MMS22L: variants seen among roughly 807,000 people sequenced by gnomAD.
MMS22L encodes the protein MMS22 like, DNA repair protein.
MMS22L carries 74 observed loss-of-function variants against 159.1 expected under a neutral mutation model. That is an observed-to-expected ratio of 0.47 (90% confidence interval 0.39 to 0.56). The LOEUF (loss-of-function observed/expected upper bound fraction) is 0.56. Among genes scored for constraint, MMS22L ranks in the 20% least tolerant of loss-of-function variants. The pLI, the probability that MMS22L is intolerant of heterozygous loss-of-function variation, is 0.00. For missense variants in MMS22L, 1,351 were observed against 1,422.1 expected (o/e 0.95, Z 0.80); for synonymous variants, 517 against 506.9 (o/e 1.02, Z -0.27).
chr6:97,142,563 A>T lies in MMS22L; in HGVS notation c.*4243T>A, dbSNP rs1445809221. ...TTTTTGGAAAATAAAAGATTTATAT[A>T]AAAAGTCTGGATAAAAAAGCAGTGG... On this transcript the variant is annotated 3_prime_UTR_variant, in exon 25 of 25. Transcript: ENST00000683635. 2 of 152,184 alleles carry T rather than the reference A, an allele frequency of 1.3e-5. No individual in the cohort carries two copies. The highest frequency in any genetic ancestry group is 2.9e-5 in the Non-Finnish European group (2 of 67,964). The allele number at this position is 152,184 out of a possible 1,614,324, so 9.4% of individuals were successfully genotyped here.
chr6:97,246,231 A>G, intron 11 of MMS22L: 1 of 432,976 alleles, frequency 2.3e-6, no homozygotes, highest in South Asian at 1.7e-5. Context: ...ATATGATTCA[A>G]GCCTGTAAGA....
Position 97,229,212 on chromosome 6 carries a change from T to C in MMS22L, c.1721A>G (p.His574Arg), listed in dbSNP as rs1810584523. 6.2e-6 allele frequency: 10 copies of C among 1,614,082 alleles called. No homozygotes were observed. The highest frequency in any genetic ancestry group is 1.3e-5 in the African/African-American group (1 of 75,036). Residue 574 changes from histidine (H) to arginine (R), a missense_variant, in exon 14 of 25, where the codon CAC (histidine) becomes CGC (arginine). Physicochemically the swap from His to Arg is conservative, Grantham distance 29. Coordinates refer to ENST00000683635, the MANE Select transcript of MMS22L (RefSeq NM_001350599.2). ...TSQRALIWKG[H>R]MAFLLMYAQK... ...GGCATACATCAAGAGGAAGGCCATG[T>C]GACCCTTCCAAATGAGGGCTCTCTG... is the stretch of plus-strand genomic sequence containing the variant.
chr6:97,142,729 A>T lies in MMS22L; in HGVS notation c.*4077T>A, dbSNP rs1800698276. The stretch of plus-strand genomic sequence containing the variant: ...CTTTTCCTAACTGTAGAAGCTTGTC[A>T]AATTTTTATATAACATACAATTTTT... On this transcript the variant is annotated 3_prime_UTR_variant, in exon 25 of 25. Coordinates refer to ENST00000683635, the MANE Select transcript of MMS22L (RefSeq NM_001350599.2). 6.6e-6 allele frequency: 1 copy of T among 152,176 alleles called. No homozygotes were observed. The highest frequency in any genetic ancestry group is 2.4e-5 in the African/African-American group (1 of 41,454). The allele number at this position is 152,176 out of a possible 1,614,324, so 9.4% of individuals were successfully genotyped here.
chr6:97,231,105 C>A, intron 13 of MMS22L: 1 of 210,764 alleles, frequency 4.7e-6, no homozygotes, highest in Non-Finnish European at 9.6e-6. Context: ...AGCATAGTTC[C>A]CAAATGAGAA....
At chr6:97,159,948 GTTTTTTTT>G (rs368455553) in intron 22 of MMS22L, among the ~76,000 whole-genome samples, 4 of 97,180 alleles carry the variant, frequency 4.1e-5, no homozygotes, top group African/African-American at 7.9e-5. Flanking sequence ...TATCATTTCT[GTTTTTTTT>G]TTTTTTTTTT....
At chr6:97,267,380 C>T (rs1815236070) in intron 8 of MMS22L, 1 of 151,950 alleles carries the variant, frequency 6.6e-6, no homozygotes, top group South Asian at 2.1e-4. Context: ...CCATTAAACA[C>T]TCTATGATAA....
At chr6:97,191,336 A>T (rs959627213) in intron 14 of MMS22L, among the ~76,000 whole-genome samples, 1 of 152,196 alleles carries the variant, frequency 6.6e-6, no homozygotes, top group Non-Finnish European at 1.5e-5. Flanking sequence ...TAATCTTGGC[A>T]TACCATTGTT....
chr6:97,205,267 G>A (rs953471748), intron 14 of MMS22L, among the ~76,000 whole-genome samples: 2 of 151,806 alleles, frequency 1.3e-5, no homozygotes, highest in African/African-American at 4.8e-5. Flanking sequence ...TTAAGAGACA[G>A]GGTTAAGCAT....
chr6:97,282,166 G>A, intron 2 of MMS22L, 148 bp downstream of exon 2: 2 of 769,918 alleles, frequency 2.6e-6, no homozygotes, highest in Non-Finnish European at 4.1e-6. Context: ...CAGCAGAACT[G>A]ATAATCATTT....
chr6:97,223,506 T>G (rs1386686690), intron 14 of MMS22L, among the ~76,000 whole-genome samples: 1 of 152,056 alleles, frequency 6.6e-6, no homozygotes, highest in Non-Finnish European at 1.5e-5. Flanking sequence ...ATCCAAAATG[T>G]TTTTGACCCG....
chr6:97,212,304 A>G (rs989930578), intron 14 of MMS22L, among the ~76,000 whole-genome samples: 3 of 152,198 alleles, frequency 2.0e-5, no homozygotes, highest in African/African-American at 7.2e-5. Context: ...ATACAGCAGA[A>G]TTTTCTCCAA....
intron 22 of MMS22L, among the ~76,000 whole-genome samples, chr6:97,161,387 T>C (rs1444548778): frequency 6.6e-6 from 1 of 152,102 alleles, no homozygotes; most frequent in Non-Finnish European, 1.5e-5. Flanking sequence ...CATAAATTGC[T>C]TTAAGGACTA....
intron 14 of MMS22L, among the ~76,000 whole-genome samples, chr6:97,216,631 C>T (rs951613000): frequency 2.0e-5 from 3 of 152,296 alleles, no homozygotes; most frequent in Non-Finnish European, 2.9e-5. Context: ...CTTACTATGA[C>T]AGCCTGTCTT....
intron 11 of MMS22L, among the ~76,000 whole-genome samples, chr6:97,237,103 TGGTAAC>T (rs1811503028): frequency 6.6e-6 from 1 of 151,982 alleles, no homozygotes; most frequent in Non-Finnish European, 1.5e-5. Flanking sequence ...AAAAGGTCAA[TGGTAAC>T]GGGCAAAATG....
At chr6:97,148,487 G>A (rs1801023478) in intron 24 of MMS22L, among the ~76,000 whole-genome samples, 1 of 152,020 alleles carries the variant, frequency 6.6e-6, no homozygotes, top group South Asian at 2.1e-4. Context: ...TGTAGAGGTG[G>A]AAGACAGTGA....
chr6:97,273,854 T>G (rs761735146), intron 4 of MMS22L, among the ~76,000 whole-genome samples: 1 of 152,216 alleles, frequency 6.6e-6, no homozygotes, highest in African/African-American at 2.4e-5. Flanking sequence ...TGCTCTCTTT[T>G]GTCCCCCTAT....
intron 16 of MMS22L, 132 bp downstream of exon 16, chr6:97,181,772 A>C: frequency 1.1e-6 from 1 of 888,086 alleles, no homozygotes; most frequent in Non-Finnish European, 1.6e-6. Context: ...ATATATCTGA[A>C]AGCAAAAACC....
intron 14 of MMS22L, among the ~76,000 whole-genome samples, chr6:97,203,880 T>C (rs1393364096): frequency 6.6e-6 from 1 of 152,186 alleles, no homozygotes; most frequent in African/African-American, 2.4e-5. Flanking sequence ...CCCCACAATA[T>C]TGAATAAAAG....
chr6:97,209,890 T>G (rs1051076397), intron 14 of MMS22L, among the ~76,000 whole-genome samples: 10 of 151,946 alleles, frequency 6.6e-5, no homozygotes, highest in African/African-American at 2.2e-4. Flanking sequence ...AGCAGAAAAC[T>G]AAATAATGGT....
Sources: allele counts gnomAD v4.1 joint callset (sites outside exome capture counted in the v4.1 genomes callset), GRCh38; gene constraint gnomAD v4.1.1; transcripts MANE v1.5; gene names NCBI Gene and HGNC (gene_info 2026-07-23, HGNC 2026-07-21).